The following PTPRD variants were observed in gnomAD, a reference collection of about 807,000 sequenced individuals.
The protein encoded by PTPRD is protein tyrosine phosphatase receptor type D, also known as receptor-type tyrosine-protein phosphatase delta.
In PTPRD, 34 loss-of-function variants were observed where a neutral mutation model predicts 214.5. The observed-to-expected ratio is 0.16, with a 90% CI of 0.12 to 0.21. The LOEUF is 0.21. PTPRD is among the 10% of genes least tolerant of loss of function. PTPRD has a pLI of 1.00. For missense variants in PTPRD, 2,545 were observed against 2,398.7 expected (o/e 1.06, Z -1.27); for synonymous variants, 1,128 against 845.7 (o/e 1.33, Z -5.79).
intron 8 of PTPRD, among the ~76,000 whole-genome samples, chr9:9,560,104 G>C (rs2082527107): frequency 6.6e-6 from 1 of 152,190 alleles, no homozygotes; most frequent in African/African-American, 2.4e-5. Context: ...CTTTGAACTG[G>C]AATGCTAGGG....
At chr9:8,743,524 G>GCTGT (rs2154447993) in intron 11 of PTPRD, among the ~76,000 whole-genome samples, 1 of 152,188 alleles carries the variant, frequency 6.6e-6, no homozygotes, top group East Asian at 1.9e-4. Context: ...ACGGTGAAAG[G>GCTGT]CTGTCATAAA....
chr9:10,134,079 C>T (rs1200421877), intron 3 of PTPRD, among the ~76,000 whole-genome samples: 1 of 152,074 alleles, frequency 6.6e-6, no homozygotes, highest in Non-Finnish European at 1.5e-5. Flanking sequence ...GCCATGGGTG[C>T]CATCCCTGCT....
At chr9:10,563,746 A>T (rs2064734909) in intron 2 of PTPRD, among the ~76,000 whole-genome samples, 1 of 151,982 alleles carries the variant, frequency 6.6e-6, no homozygotes, top group Non-Finnish European at 1.5e-5. Context: ...TGTATAAATA[A>T]GATGTTTTGC....
chr9:9,013,714 G>A (rs1320098093), intron 11 of PTPRD, among the ~76,000 whole-genome samples: 3 of 152,072 alleles, frequency 2.0e-5, no homozygotes, highest in African/African-American at 4.8e-5. Context: ...CAGCCAAGTC[G>A]ACTCAAAACT....
intron 3 of PTPRD, among the ~76,000 whole-genome samples, chr9:10,059,109 C>T (rs1021046197): frequency 3.9e-5 from 6 of 152,042 alleles, no homozygotes; most frequent in African/African-American, 1.2e-4. Context: ...ACTTCAGTCT[C>T]GTCTCCCTTG....
chr9:10,070,498 TAAG>T (rs765674361), intron 3 of PTPRD, among the ~76,000 whole-genome samples: 1 of 152,082 alleles, frequency 6.6e-6, no homozygotes, highest in South Asian at 2.1e-4. Flanking sequence ...GCTCTTTACA[TAAG>T]AAATGCTGCA....
chr9:10,343,979 T>TG (rs2097002990), intron 2 of PTPRD, among the ~76,000 whole-genome samples: 1 of 81,846 alleles, frequency 1.2e-5, no homozygotes, highest in Non-Finnish European at 2.5e-5. Flanking sequence ...CTGATGGTAG[T>TG]TTTTTTTTTT....
intron 2 of PTPRD, among the ~76,000 whole-genome samples, chr9:10,511,574 T>A (rs2048041140): frequency 6.8e-6 from 1 of 148,038 alleles, no homozygotes; most frequent in African/African-American, 2.5e-5. Flanking sequence ...CTGGTATTTT[T>A]TTTTTTTTTT....
chr9:9,291,892 A>G (rs893899057), intron 9 of PTPRD, among the ~76,000 whole-genome samples: 11 of 150,136 alleles, frequency 7.3e-5, no homozygotes, highest in Non-Finnish European at 1.6e-4. Flanking sequence ...TGTATGGTAT[A>G]TATATATATA....
intron 3 of PTPRD, among the ~76,000 whole-genome samples, chr9:10,156,410 A>T (rs1406521558): frequency 6.6e-6 from 1 of 152,130 alleles, no homozygotes; most frequent in Admixed American, 6.6e-5. Flanking sequence ...GTCATTCAGG[A>T]AAAGTCATTT....
At chr9:9,091,809 T>C (rs936003265) in intron 10 of PTPRD, among the ~76,000 whole-genome samples, 1 of 152,216 alleles carries the variant, frequency 6.6e-6, no homozygotes, top group Non-Finnish European at 1.5e-5. Context: ...AATGGGATAC[T>C]GTTTACTCTC....
intron 2 of PTPRD, among the ~76,000 whole-genome samples, chr9:10,585,586 T>C (rs1204577069): frequency 2.0e-5 from 3 of 152,090 alleles, no homozygotes; most frequent in African/African-American, 7.2e-5. Flanking sequence ...ATAAATATAC[T>C]GAACCTAAAA....
At chr9:8,743,188 TAAACTC>T (rs1463158669) in intron 11 of PTPRD, among the ~76,000 whole-genome samples, 1 of 151,808 alleles carries the variant, frequency 6.6e-6, no homozygotes, top group Admixed American at 6.6e-5. Flanking sequence ...TTTTCATACA[TAAACTC>T]AAAACAGATT....
At chr9:10,370,410 C>G (rs950851505) in intron 2 of PTPRD, among the ~76,000 whole-genome samples, 1 of 151,934 alleles carries the variant, frequency 6.6e-6, no homozygotes, top group Non-Finnish European at 1.5e-5. Context: ...TTTCTTGGGG[C>G]TATTCTATTT....
chr9:9,321,703 G>A (rs1247847559), intron 9 of PTPRD, among the ~76,000 whole-genome samples: 1 of 152,048 alleles, frequency 6.6e-6, no homozygotes, highest in Non-Finnish European at 1.5e-5. Context: ...CCAGTATTTA[G>A]TAGCGATGTA....
intron 5 of PTPRD, among the ~76,000 whole-genome samples, chr9:9,767,967 C>T (rs1295156919): frequency 1.3e-5 from 2 of 152,138 alleles, no homozygotes; most frequent in African/African-American, 2.4e-5. Flanking sequence ...TTCTAGAATG[C>T]TCCGTAAGCT....
At chr9:8,436,556 T>C in intron 35 of PTPRD, 36 bp downstream of exon 35, 1 of 1,497,920 alleles carries the variant, frequency 6.7e-7, no homozygotes, top group Non-Finnish European at 9.3e-7. Flanking sequence ...AGAGTAACTC[T>C]TGAAATTACT....
intron 8 of PTPRD, among the ~76,000 whole-genome samples, chr9:9,562,078 G>A (rs1475257577): frequency 6.6e-6 from 1 of 152,058 alleles, no homozygotes; most frequent in Non-Finnish European, 1.5e-5. Context: ...AATTCAACAT[G>A]TCCAAAATTG....
At chr9:10,029,268 A>T (rs1360603660) in intron 4 of PTPRD, among the ~76,000 whole-genome samples, 2 of 152,130 alleles carry the variant, frequency 1.3e-5, no homozygotes, top group African/African-American at 4.8e-5. Context: ...GTGGAAGGGA[A>T]ATGTGGGGTT....
Sources: gnomAD v4.1 joint callset for allele counts (sites outside exome capture counted in the v4.1 genomes callset) on GRCh38, gnomAD v4.1.1 for gene constraint, MANE v1.5 for transcripts, NCBI Gene and HGNC (gene_info 2026-07-23, HGNC 2026-07-21) for gene names.